Variants in INPP4B observed in about 807,000 individuals in gnomAD.
INPP4B encodes the protein inositol polyphosphate-4-phosphatase type II B, also known as inositol polyphosphate 4-phosphatase type II.
INPP4B carries 55 observed loss-of-function variants against 122.5 expected under a neutral mutation model. The observed-to-expected ratio is 0.45, with a 90% CI of 0.36 to 0.56. INPP4B has a LOEUF of 0.56. Ranked by LOEUF, INPP4B falls within the 20% of genes least tolerant of loss-of-function variation. The pLI, the probability that INPP4B is intolerant of heterozygous loss-of-function variation, is 0.00. For missense variants in INPP4B, 1,000 were observed against 1,097.7 expected (o/e 0.91, Z 1.26); for synonymous variants, 403 against 388.7 (o/e 1.04, Z -0.43).
At chr4:142,444,805 A>G (rs528280594) in intron 3 of INPP4B, among the ~76,000 whole-genome samples, 1 of 152,288 alleles carries the variant, frequency 6.6e-6, no homozygotes, top group African/African-American at 2.4e-5. Flanking sequence ...TGGCACATAA[A>G]CACCATGGAA....
chr4:142,112,012 G>T (rs1790411177), intron 22 of INPP4B, among the ~76,000 whole-genome samples: 2 of 151,982 alleles, frequency 1.3e-5, no homozygotes, highest in Admixed American at 1.3e-4. Context: ...CCAAAGTGCT[G>T]GGATTACAGG....
chr4:142,149,133 C>A (rs565020863), intron 17 of INPP4B, among the ~76,000 whole-genome samples: 1 of 152,208 alleles, frequency 6.6e-6, no homozygotes, highest in African/African-American at 2.4e-5. Context: ...ACTAAAGGTA[C>A]TGATGTGTGT....
chr4:142,118,618 C>T (rs1794976027), intron 21 of INPP4B, among the ~76,000 whole-genome samples: 2 of 152,132 alleles, frequency 1.3e-5, no homozygotes. Flanking sequence ...TGGATCCCTT[C>T]CTTACACCTT....
At chr4:142,697,092 C>T (rs1761136185) in intron 2 of INPP4B, among the ~76,000 whole-genome samples, 1 of 152,118 alleles carries the variant, frequency 6.6e-6, no homozygotes, top group African/African-American at 2.4e-5. Flanking sequence ...ATATTATATA[C>T]ATGTGATGTT....
At chr4:142,074,443 G>A (rs1031589905) in intron 25 of INPP4B, among the ~76,000 whole-genome samples, 7 of 152,112 alleles carry the variant, frequency 4.6e-5, no homozygotes, top group Non-Finnish European at 1.0e-4. Context: ...GAACACATGT[G>A]CATGCCTTGT....
intron 1 of INPP4B, among the ~76,000 whole-genome samples, chr4:142,788,192 CAATATT>C (rs1385067404): frequency 1.3e-5 from 2 of 151,920 alleles, no homozygotes; most frequent in Admixed American, 1.3e-4. Context: ...AAAAAATAGG[CAATATT>C]AATAACTTTA....
At chr4:142,069,679 A>C (rs1765821488) in intron 25 of INPP4B, among the ~76,000 whole-genome samples, 1 of 152,220 alleles carries the variant, frequency 6.6e-6, no homozygotes, top group African/African-American at 2.4e-5. Flanking sequence ...CAGAAATACA[A>C]ACACTATCAG....
chr4:142,395,363 A>G (rs1360160136), intron 7 of INPP4B, among the ~76,000 whole-genome samples: 2 of 152,212 alleles, frequency 1.3e-5, no homozygotes, highest in Admixed American at 1.3e-4. Context: ...AAAAGTTGCT[A>G]GAGACTGTTA....
chr4:142,662,028 T>C (rs1755261232), intron 2 of INPP4B, among the ~76,000 whole-genome samples: 1 of 152,094 alleles, frequency 6.6e-6, no homozygotes, highest in South Asian at 2.1e-4. Context: ...GGTCAGGAGA[T>C]GGAGACCATC....
intron 2 of INPP4B, among the ~76,000 whole-genome samples, 189 bp downstream of exon 2, chr4:142,725,650 T>C (rs1290904693): frequency 6.6e-6 from 1 of 152,196 alleles, no homozygotes; most frequent in Non-Finnish European, 1.5e-5. Context: ...AAAGCTATTA[T>C]ATATCTAAAA....
At chr4:142,739,275 T>C (rs2150911287) in intron 1 of INPP4B, among the ~76,000 whole-genome samples, 1 of 152,228 alleles carries the variant, frequency 6.6e-6, no homozygotes, top group East Asian at 1.9e-4. Flanking sequence ...AATTTCTTTA[T>C]CACTTTATCT....
intron 7 of INPP4B, among the ~76,000 whole-genome samples, chr4:142,383,634 C>G (rs991405128): frequency 1.3e-5 from 2 of 152,018 alleles, no homozygotes; most frequent in African/African-American, 4.8e-5. Flanking sequence ...AAAAATGAAA[C>G]TGCTCACTAT....
Position 142,108,581 on chromosome 4 carries a change from G to A in INPP4B, c.2277-391C>T, listed in dbSNP as rs1334858114. 2.6e-5 allele frequency among the ~76,000 whole-genome samples: 4 copies of A among 151,984 alleles called. No homozygotes were observed. The East Asian group carries it at 7.7e-4, about 29-fold the overall frequency. The stretch of plus-strand genomic sequence containing the variant: ...ATCTATCCAACCATCCATTTCACTC[G>A]TGGCAGCTGAGGGAGGGGACCAGAA... On this transcript the variant is annotated intron_variant, in intron 22 of 25. Transcript: ENST00000262992.
At chr4:142,371,336 G>A (rs1345502694) in intron 7 of INPP4B, among the ~76,000 whole-genome samples, 1 of 152,074 alleles carries the variant, frequency 6.6e-6, no homozygotes, top group East Asian at 1.9e-4. Flanking sequence ...AGAAAACACA[G>A]GGGAAACACT....
intron 7 of INPP4B, among the ~76,000 whole-genome samples, chr4:142,396,458 CA>C (rs999907767): frequency 3.3e-5 from 5 of 151,904 alleles, no homozygotes; most frequent in African/African-American, 1.2e-4. Flanking sequence ...AAAAGTTTGG[CA>C]ATATCATGTG....
intron 8 of INPP4B, among the ~76,000 whole-genome samples, chr4:142,309,946 G>A (rs899674524): frequency 2.0e-5 from 3 of 152,140 alleles, no homozygotes; most frequent in African/African-American, 7.2e-5. Context: ...GCCACTCCGA[G>A]CAAGTCACAG....
At chr4:142,239,229 G>A (rs1457516142) in intron 11 of INPP4B, among the ~76,000 whole-genome samples, 1 of 151,916 alleles carries the variant, frequency 6.6e-6, no homozygotes, top group Non-Finnish European at 1.5e-5. Flanking sequence ...ATCAAAATTG[G>A]TACCATAATG....
chr4:142,411,929 A>G (rs1467283488), intron 5 of INPP4B, among the ~76,000 whole-genome samples: 1 of 152,000 alleles, frequency 6.6e-6, no homozygotes, highest in Non-Finnish European at 1.5e-5. Context: ...TTAGGGAAAT[A>G]CCATTTGGCT....
chr4:142,412,566 G>A (rs572049590), intron 5 of INPP4B, among the ~76,000 whole-genome samples: 1 of 152,254 alleles, frequency 6.6e-6, no homozygotes, highest in African/African-American at 2.4e-5. Flanking sequence ...TGCACAAGCA[G>A]TTGGAAATAC....
Sources: allele counts gnomAD v4.1 joint callset (sites outside exome capture counted in the v4.1 genomes callset), GRCh38; gene constraint gnomAD v4.1.1; transcripts MANE v1.5; gene names NCBI Gene and HGNC (gene_info 2026-07-23, HGNC 2026-07-21).